Variants in SLC67A1 observed in about 807,000 individuals in gnomAD.
The protein encoded by SLC67A1 is solute carrier family 67 member 1.
At chr11:2,909,979 G>C in the SLC67A1 span, among the ~76,000 whole-genome samples, 1 of 152,180 alleles carries the variant, frequency 6.6e-6, no homozygotes, top group African/African-American at 2.4e-5. Context: ...CCACTGGGAC[G>C]CTGGGGAAAC....
chr11:2,919,860 C>T, the SLC67A1 span: 7 of 157,456 alleles, frequency 4.4e-5, no homozygotes, highest in Non-Finnish European at 5.5e-5. Flanking sequence ...TAGGATAAGA[C>T]GCCAGCCCTC....
chr11:2,911,305 G>T, the SLC67A1 span, among the ~76,000 whole-genome samples: 3 of 152,060 alleles, frequency 2.0e-5, no homozygotes, highest in African/African-American at 7.2e-5. Flanking sequence ...GGCGCCCCAG[G>T]GAGAGGGAAG....
At chr11:2,922,033 TG>T in the SLC67A1 span, 1 of 1,196,276 alleles carries the variant, frequency 8.4e-7, no homozygotes. Flanking sequence ...CTTTGGGGGC[TG>T]GCCACAGTCC....
chr11:2,908,412 T>G, the SLC67A1 span: 4 of 1,041,158 alleles, frequency 3.8e-6, no homozygotes, highest in Non-Finnish European at 5.6e-6. Flanking sequence ...ACGGGCCAGG[T>G]TCCCTGACCC....
the SLC67A1 span, among the ~76,000 whole-genome samples, chr11:2,915,898 T>G: frequency 0.037 from 5,610 of 152,292 alleles, 343 homozygotes; most frequent in African/African-American, 0.13. Flanking sequence ...TGCCGATTCC[T>G]TCCAGGGGAA....
chr11:2,917,853 G>A, the SLC67A1 span: 8 of 633,018 alleles, frequency 1.3e-5, no homozygotes, highest in African/African-American at 7.4e-5. Context: ...ACAAGTGAGC[G>A]GTGCTGAAGC....
chr11:2,921,910 C>A, the SLC67A1 span: 1 of 620,176 alleles, frequency 1.6e-6, no homozygotes, highest in Non-Finnish European at 2.9e-6. Flanking sequence ...TCAGACCCAT[C>A]CTGACGCAGT....
the SLC67A1 span, chr11:2,922,534 G>A: frequency 1.9e-6 from 3 of 1,612,936 alleles, no homozygotes; most frequent in Non-Finnish European, 2.5e-6. Flanking sequence ...TGCTGATCAA[G>A]GCTGTCTCCA....
the SLC67A1 span, among the ~76,000 whole-genome samples, chr11:2,917,599 C>T: frequency 5.3e-5 from 8 of 152,228 alleles, no homozygotes; most frequent in Non-Finnish European, 1.2e-4. Context: ...GGGCTGGTGG[C>T]CTGGTCATGC....
the SLC67A1 span, chr11:2,903,292 C>A: frequency 6.3e-7 from 1 of 1,588,994 alleles, no homozygotes; most frequent in South Asian, 1.1e-5. Context: ...GCCCCCTGCT[C>A]CGCCAGCCTC....
the SLC67A1 span, among the ~76,000 whole-genome samples, chr11:2,917,466 G>A: frequency 1.3e-5 from 2 of 152,208 alleles, no homozygotes; most frequent in African/African-American, 2.4e-5. Context: ...ACAATAAGGA[G>A]GAAGGACTCG....
chr11:2,925,118 T>C, the SLC67A1 span: 1 of 1,613,908 alleles, frequency 6.2e-7, no homozygotes, highest in Non-Finnish European at 8.5e-7. The surrounding 1 kb of genome is among the most constrained non-coding windows in gnomAD (Gnocchi z 6.5). Context: ...TTCGGCCACG[T>C]GCAGGTTGCT....
chr11:2,909,549 G>A, the SLC67A1 span: 1 of 1,515,566 alleles, frequency 6.6e-7, no homozygotes, highest in Non-Finnish European at 8.8e-7. Flanking sequence ...AGGGGCTTTC[G>A]CCGCTCAGCT....
chr11:2,919,247 A>C, the SLC67A1 span: 1 of 1,213,564 alleles, frequency 8.2e-7, no homozygotes, highest in African/African-American at 1.5e-5. Flanking sequence ...GGCGGGAGGG[A>C]GGTGGGCGCC....
At chr11:2,923,059 C>T in the SLC67A1 span, among the ~76,000 whole-genome samples, 6 of 152,204 alleles carry the variant, frequency 3.9e-5, no homozygotes, top group Non-Finnish European at 7.4e-5. This position sits in a 1 kb window ranked among gnomAD's most constrained non-coding sequence, Gnocchi z 6.5. Context: ...TCCCCACTTC[C>T]GACCCAGCTT....
the SLC67A1 span, chr11:2,899,719 A>G: frequency 6.9e-7 from 1 of 1,455,198 alleles, no homozygotes; most frequent in Non-Finnish European, 9.0e-7. Context: ...GAGCCTGTTC[A>G]TGACAAAAAA....
the SLC67A1 span, chr11:2,916,413 T>G: frequency 2.0e-6 from 1 of 509,662 alleles, no homozygotes; most frequent in East Asian, 3.3e-5. Flanking sequence ...GGGTCAGGGA[T>G]GGTGAGCGCC....
the SLC67A1 span, among the ~76,000 whole-genome samples, chr11:2,922,807 G>A: frequency 6.6e-6 from 1 of 152,144 alleles, no homozygotes; most frequent in South Asian, 2.1e-4. Context: ...AGGGGCCTGG[G>A]AGGGGGCTGC....
the SLC67A1 span, among the ~76,000 whole-genome samples, chr11:2,915,626 C>T: frequency 3.9e-5 from 6 of 152,364 alleles, no homozygotes; most frequent in East Asian, 1.2e-3. Context: ...GAGTCCTTCT[C>T]AGATGGCATG....
Sources: gnomAD v4.1 joint callset for allele counts (sites outside exome capture counted in the v4.1 genomes callset) on GRCh38, gnomAD v4.1.1 for gene constraint, Gnocchi (gnomAD v3.1) non-coding constraint, MANE v1.5 for transcripts, NCBI Gene and HGNC (gene_info 2026-07-23, HGNC 2026-07-21) for gene names.